Variants in DHRSX observed in about 807,000 individuals in gnomAD.
DHRSX encodes the protein dehydrogenase/reductase X-linked.
DHRSX carries 31 observed loss-of-function variants against 34.0 expected under a neutral mutation model. The observed-to-expected ratio is 0.91, with a 90% CI of 0.69 to 1.23. The LOEUF (loss-of-function observed/expected upper bound fraction) is 1.23. Among genes scored for constraint, DHRSX ranks in the 50% most tolerant of loss-of-function variants. The probability of loss-of-function intolerance (pLI) is 0.00; values close to 1 mark genes in which losing one functional copy is unlikely to be tolerated. For synonymous variants in DHRSX, 201 were observed against 183.8 expected (o/e 1.09, Z -0.76); for missense variants, 414 against 428.1 (o/e 0.97, Z 0.29).
intron 5 of DHRSX, among the ~76,000 whole-genome samples, chrX:2,264,574 G>A (rs1051868708): frequency 1.4e-4 from 21 of 145,688 alleles, no homozygotes; most frequent in Non-Finnish European, 1.8e-4. Context: ...CAGAGCACCA[G>A]TGCCCACCAG....
At chrX:2,449,641 G>A (rs1186742492) in intron 1 of DHRSX, among the ~76,000 whole-genome samples, 4 of 151,952 alleles carry the variant, frequency 2.6e-5, no homozygotes, top group Non-Finnish European at 4.4e-5. Context: ...GACCACACAC[G>A]CGTGCCACCA....
chrX:2,298,616 A>ACGCACACG (rs1556457303), intron 3 of DHRSX, among the ~76,000 whole-genome samples: 1 of 138,372 alleles, frequency 7.2e-6, no homozygotes, highest in African/African-American at 3.3e-5. Context: ...ACACACACAC[A>ACGCACACG]CACACACACA....
At chrX:2,300,684 G>A (rs374260312) in intron 3 of DHRSX, among the ~76,000 whole-genome samples, 26 of 152,212 alleles carry the variant, frequency 1.7e-4, no homozygotes, top group African/African-American at 5.3e-4. Flanking sequence ...TTTAGCACTC[G>A]GGCTGGCTTC....
At chrX:2,345,671 A>G (rs1406427561) in intron 3 of DHRSX, among the ~76,000 whole-genome samples, 1 of 151,512 alleles carries the variant, frequency 6.6e-6, no homozygotes, top group Non-Finnish European at 1.5e-5. Flanking sequence ...AAAAAAAAAA[A>G]AAATCTAAAT....
intron 1 of DHRSX, among the ~76,000 whole-genome samples, chrX:2,430,401 C>A (rs971106396): frequency 2.0e-5 from 3 of 152,014 alleles, no homozygotes; most frequent in African/African-American, 7.2e-5. Flanking sequence ...ACACAGACAC[C>A]CCCGCACACA....
At chrX:2,315,539 T>A (rs1033918665) in intron 3 of DHRSX, among the ~76,000 whole-genome samples, 1 of 152,146 alleles carries the variant, frequency 6.6e-6, no homozygotes, top group Admixed American at 6.6e-5. Context: ...CTAGCGAATA[T>A]AGATGCCCAT....
chrX:2,464,298 G>T (rs2044449502), intron 1 of DHRSX, among the ~76,000 whole-genome samples: 1 of 151,916 alleles, frequency 6.6e-6, no homozygotes, highest in Non-Finnish European at 1.5e-5. Context: ...TGGGTTAAGG[G>T]ACCGCTGCCA....
chrX:2,347,962 T>C (rs1218384936), intron 3 of DHRSX, among the ~76,000 whole-genome samples: 1 of 152,100 alleles, frequency 6.6e-6, no homozygotes, highest in Admixed American at 6.6e-5. Flanking sequence ...TGCTTCACTA[T>C]AGAGCTGCTG....
chrX:2,482,494 C>T (rs1384810677), intron 1 of DHRSX, among the ~76,000 whole-genome samples: 4 of 151,974 alleles, frequency 2.6e-5, no homozygotes, highest in African/African-American at 9.7e-5. Context: ...CAAACTCAGG[C>T]TCAAAAATCA....
intron 3 of DHRSX, among the ~76,000 whole-genome samples, chrX:2,406,262 A>G (rs1220327588): frequency 4.2e-4 from 64 of 152,158 alleles, no homozygotes; most frequent in Non-Finnish European, 3.2e-4. Flanking sequence ...ACTGCATTCC[A>G]GCCTAGGTGA....
intron 4 of DHRSX, among the ~76,000 whole-genome samples, chrX:2,282,932 T>A (rs2041746101): frequency 7.2e-6 from 1 of 138,718 alleles, no homozygotes; most frequent in African/African-American, 2.8e-5. Context: ...GAAGCGGGGA[T>A]GGGGTAGACT....
intron 3 of DHRSX, among the ~76,000 whole-genome samples, chrX:2,349,971 G>T (rs148915686): frequency 6.6e-6 from 1 of 151,652 alleles, no homozygotes; most frequent in Non-Finnish European, 1.5e-5. Context: ...CCTGGGAGGT[G>T]GAGCTTGCAG....
rs1353250780 is a variant in DHRSX, at chrX:2,243,092, C to T, written c.735G>A (p.Thr245=). 5.6e-6 allele frequency: 9 copies of T among 1,613,892 alleles called. No homozygotes were observed. Among genetic ancestry groups the T allele is most frequent in the African/African-American group, 1.3e-5 (1 of 75,022 alleles). ...CCCAGAACACGTGCTTGTAGACGTC[C>T]GTGTTGACCACCCCGGGGTCCACCA... is the stretch of plus-strand genomic sequence containing the variant. ...ANVVDPGVVN[T]DVYKHVFWAT... The change falls in exon 6 of 7, where the codon ACG becomes ACA. Residue 245 remains threonine (T), a synonymous_variant. Coordinates refer to ENST00000334651, the MANE Select transcript of DHRSX (RefSeq NM_145177.3).
At chrX:2,232,201 TA>T (rs1035986355) in intron 6 of DHRSX, among the ~76,000 whole-genome samples, 4 of 151,372 alleles carry the variant, frequency 2.6e-5, no homozygotes, top group Admixed American at 2.0e-4. Flanking sequence ...CAGCTTTTCC[TA>T]AAAAAAAACT....
intron 3 of DHRSX, among the ~76,000 whole-genome samples, chrX:2,331,961 C>T (rs761475191): frequency 6.6e-5 from 10 of 152,198 alleles, no homozygotes; most frequent in African/African-American, 2.2e-4. Context: ...AGACTCTCCA[C>T]CAGCAATAAG....
At chrX:2,287,572 G>A (rs1363715771) in intron 4 of DHRSX, among the ~76,000 whole-genome samples, 3 of 141,412 alleles carry the variant, frequency 2.1e-5, no homozygotes, top group African/African-American at 5.6e-5. Flanking sequence ...CCCCATGTGG[G>A]AGACAGAATA....
chrX:2,331,447 T>TTG (rs1355731814), intron 3 of DHRSX, among the ~76,000 whole-genome samples: 5 of 97,274 alleles, frequency 5.1e-5, no homozygotes, highest in African/African-American at 1.5e-4. Context: ...TTTTTTTTTT[T>TTG]TTTTTTTTTT....
At chrX:2,243,863 G>A (rs1461955724) in intron 5 of DHRSX, among the ~76,000 whole-genome samples, 3 of 136,598 alleles carry the variant, frequency 2.2e-5, no homozygotes, top group Admixed American at 1.6e-4. Context: ...GCAGCCTCCC[G>A]GGTTCAAGCG....
intron 3 of DHRSX, among the ~76,000 whole-genome samples, chrX:2,349,518 T>A (rs1337664821): frequency 6.6e-6 from 1 of 151,384 alleles, no homozygotes; most frequent in Non-Finnish European, 1.5e-5. Flanking sequence ...AAACCCCGTG[T>A]CCACTAAGAA....
Sources: gnomAD v4.1 joint callset for allele counts (sites outside exome capture counted in the v4.1 genomes callset) on GRCh38, gnomAD v4.1.1 for gene constraint, MANE v1.5 for transcripts, NCBI Gene and HGNC (gene_info 2026-07-23, HGNC 2026-07-21) for gene names.